LRCH2: variants seen among roughly 807,000 people sequenced by gnomAD.
The protein encoded by LRCH2 is leucine rich repeats and calponin homology domain containing 2, also known as leucine-rich repeat and calponin homology domain-containing protein 2.
Under a neutral mutation model 68.9 loss-of-function variants are expected in LRCH2, and 38 were observed. The ratio of observed to expected loss-of-function variants is 0.55; its 90% CI spans 0.43 to 0.72. LRCH2 has a LOEUF of 0.72. Ranked by LOEUF, LRCH2 falls within the 30% of genes least tolerant of loss-of-function variation. The pLI is 0.00. For missense variants in LRCH2, 528 were observed against 572.9 expected (o/e 0.92, Z 0.80); for synonymous variants, 191 against 208.1 (o/e 0.92, Z 0.71).
intron 11 of LRCH2, among the ~76,000 whole-genome samples, chrX:115,158,969 A>G (rs1048987444): frequency 1.8e-5 from 2 of 111,922 alleles, no homozygotes; most frequent in Non-Finnish European, 3.8e-5. Context: ...AACTGGCTCA[A>G]TAATTAATAA....
At chrX:115,161,593 T>A (rs1456027219) in intron 11 of LRCH2, among the ~76,000 whole-genome samples, 1 of 111,585 alleles carries the variant, frequency 9.0e-6, no homozygotes, top group African/African-American at 3.3e-5. Context: ...TATAATTTTT[T>A]AACTAATTTC....
chrX:115,220,656 G>A (rs182170210), intron 1 of LRCH2, among the ~76,000 whole-genome samples: 1 of 110,839 alleles, frequency 9.0e-6, no homozygotes, highest in Admixed American at 9.6e-5. Flanking sequence ...ATCATGAAAT[G>A]TCCATTTATC....
intron 14 of LRCH2, among the ~76,000 whole-genome samples, chrX:115,134,658 C>G (rs2072273237): frequency 8.9e-6 from 1 of 111,910 alleles, no homozygotes; most frequent in Admixed American, 9.5e-5. Context: ...AGCCCACTAT[C>G]GAGCTCAGAA....
At position 115,113,061 on chromosome X, in the gene LRCH2, G is replaced by T; in HGVS notation, c.*155C>A. ...CCCAAAGAAGTTCGGGCAATTCAATGTTTAAGTTTGATGTTTCAATGTAAT... is the reference window on the plus strand; with the variant it reads ...CCCAAAGAAGTTCGGGCAATTCAATTTTTAAGTTTGATGTTTCAATGTAAT... On this transcript the variant is annotated 3_prime_UTR_variant, in exon 21 of 21. Coordinates refer to ENST00000317135, the MANE Select transcript of LRCH2 (RefSeq NM_020871.4). The T allele has an allele frequency of 2.4e-6, 1 of 412,207 alleles. No individual in the cohort carries two copies. The highest frequency in any genetic ancestry group is 3.8e-6 in the Non-Finnish European group (1 of 262,936). The allele number at this position is 412,207 out of a possible 1,213,427, so 34.0% of individuals were successfully genotyped here. A position where few individuals can be genotyped will look rare whatever the true frequency, so the allele number is the denominator to read the frequency against.
chrX:115,204,307 G>A (rs2072950724), intron 1 of LRCH2, among the ~76,000 whole-genome samples: 1 of 113,367 alleles, frequency 8.8e-6, no homozygotes, highest in African/African-American at 3.2e-5. Flanking sequence ...CTGTCATGAA[G>A]ATCTCTGAAA....
rs782198594 is a variant in LRCH2, at chrX:115,157,153, A to C, written c.1464-486T>G. The stretch of plus-strand genomic sequence containing the variant: ...TTTTAATAACTAAATAAAACCATTC[A>C]AAGAAAACCAAAGAAAGAAAATGAT... On this transcript the variant is annotated intron_variant, in intron 11 of 20. Coordinates refer to ENST00000317135, the MANE Select transcript of LRCH2 (RefSeq NM_020871.4). 2.7e-5 allele frequency among the ~76,000 whole-genome samples: 3 copies of C among 111,353 alleles called. No homozygotes were observed. The East Asian group carries it at 8.4e-4, about 31-fold the overall frequency.
chrX:115,169,176 G>T (rs1432279167), intron 6 of LRCH2, among the ~76,000 whole-genome samples: 1 of 111,789 alleles, frequency 8.9e-6, no homozygotes, highest in Non-Finnish European at 1.9e-5. Flanking sequence ...TTATATGTGT[G>T]TGTATTTCCT....
At chrX:115,204,268 C>T (rs1351568726) in intron 1 of LRCH2, among the ~76,000 whole-genome samples, 1 of 113,406 alleles carries the variant, frequency 8.8e-6, no homozygotes, top group Non-Finnish European at 1.9e-5. Context: ...TTTTTCCCTC[C>T]TAGGCCTCCA....
At chrX:115,200,742 T>TC (rs1324453678) in intron 1 of LRCH2, among the ~76,000 whole-genome samples, 1 of 110,652 alleles carries the variant, frequency 9.0e-6, no homozygotes, top group African/African-American at 3.3e-5. Flanking sequence ...GGAATACCGC[T>TC]CCTCCTGAAA....
At chrX:115,169,820 T>C (rs1331540477) in intron 6 of LRCH2, among the ~76,000 whole-genome samples, 1 of 110,838 alleles carries the variant, frequency 9.0e-6, no homozygotes, top group Non-Finnish European at 1.9e-5. Context: ...AACACTGAAA[T>C]CATAAAGAAC....
chrX:115,149,945 T>A lies in LRCH2; in HGVS notation c.1579-2A>T. The A allele has an allele frequency of 8.6e-7, 1 of 1,169,155 alleles. No homozygotes were observed. The highest frequency in any genetic ancestry group is 1.2e-6 in the Non-Finnish European group (1 of 863,386). On this transcript the variant is annotated splice_acceptor_variant, in intron 13 of 20. Transcript: ENST00000317135. LOFTEE classifies it high-confidence loss of function. ...TTGATCCTTCTGATTTTCTAAGGGCTATAATGAGACAATTTATTTTAACTA... is the reference window on the plus strand; with the variant it reads ...TTGATCCTTCTGATTTTCTAAGGGCAATAATGAGACAATTTATTTTAACTA...
chrX:115,196,882 C>T (rs782596428), intron 1 of LRCH2, among the ~76,000 whole-genome samples: 1 of 111,156 alleles, frequency 9.0e-6, no homozygotes, highest in South Asian at 3.9e-4. Flanking sequence ...ACTGCCAACA[C>T]AGGAGCCAGC....
At chrX:115,118,734 A>G (rs1367261589) in intron 20 of LRCH2, among the ~76,000 whole-genome samples, 2 of 111,381 alleles carry the variant, frequency 1.8e-5, no homozygotes, top group African/African-American at 6.5e-5. Context: ...ATTTCAGACC[A>G]ATATCCTTGA....
intron 1 of LRCH2, among the ~76,000 whole-genome samples, chrX:115,206,726 T>A (rs2072970049): frequency 1.8e-5 from 2 of 111,337 alleles, no homozygotes; most frequent in South Asian, 7.6e-4. Context: ...CTCCACACTC[T>A]ATATTTCTGT....
rs782180667 is a variant in LRCH2 at position 115,141,871 on chromosome X, CA to C, written c.1695+7955del. Among the ~76,000 whole-genome samples, 347 of 50,912 alleles carry C rather than the reference CA, an allele frequency of 6.8e-3. 1 individual carries two copies. Among genetic ancestry groups the C allele is most frequent in the African/African-American group, 0.012 (167 of 14,261 alleles). 44.2% of individuals were successfully genotyped at this position (50,912 alleles called of 115,157 possible). On this transcript the variant is annotated intron_variant, in intron 14 of 20. Coordinates refer to ENST00000317135, the MANE Select transcript of LRCH2 (RefSeq NM_020871.4). ...CCTGGGTGACAGAGGAAGACTCCAC[CA>C]AAAAAAAAAAAAAGAAAGAAAGAAA...
chrX:115,156,775 C>A, intron 11 of LRCH2, 108 bp from the exon 12 acceptor site: 1 of 408,649 alleles, frequency 2.4e-6, no homozygotes, highest in East Asian at 4.6e-5. Context: ...AAGATCTTTG[C>A]TAGAAAATAA....
At chrX:115,161,537 T>C (rs1393477475) in intron 11 of LRCH2, among the ~76,000 whole-genome samples, 1 of 112,015 alleles carries the variant, frequency 8.9e-6, no homozygotes, top group African/African-American at 3.2e-5. Context: ...GAAATTACTT[T>C]TGCATACATC....
chrX:115,121,209 T>A (rs1375836878), intron 20 of LRCH2, among the ~76,000 whole-genome samples: 1 of 110,774 alleles, frequency 9.0e-6, no homozygotes, highest in Non-Finnish European at 1.9e-5. Flanking sequence ...AAAGGGGTTT[T>A]TTTAATTTTA....
intron 1 of LRCH2, chrX:115,192,401 A>T (rs2072848241): frequency 4.3e-6 from 5 of 1,165,512 alleles, no homozygotes; most frequent in Non-Finnish European, 5.7e-6. Context: ...GAGGAGTACC[A>T]GGGCAGCTTG....
Sources: gnomAD v4.1 joint callset for allele counts (sites outside exome capture counted in the v4.1 genomes callset) on GRCh38, gnomAD v4.1.1 for gene constraint, MANE v1.5 for transcripts, NCBI Gene and HGNC (gene_info 2026-07-23, HGNC 2026-07-21) for gene names.